Variants in TMEM163 observed in about 807,000 individuals in gnomAD.
The protein encoded by TMEM163 is transmembrane protein 163.
In TMEM163, 17 loss-of-function variants were observed where a neutral mutation model predicts 29.3. The observed-to-expected ratio is 0.58, with a 90% confidence interval of 0.40 to 0.87. The LOEUF (loss-of-function observed/expected upper bound fraction) is 0.87, where lower values mean the gene tolerates loss of function less well. Among genes scored for constraint, TMEM163 ranks in the 40% least tolerant of loss-of-function variants. The pLI is 0.00. For missense variants in TMEM163, 303 were observed against 381.5 expected (o/e 0.79, Z 1.71); for synonymous variants, 157 against 160.6 (o/e 0.98, Z 0.17).
chr2:134,539,023 C>T (rs182181073), intron 4 of TMEM163, among the ~76,000 whole-genome samples: 1 of 152,260 alleles, frequency 6.6e-6, no homozygotes, highest in African/African-American at 2.4e-5. Flanking sequence ...TAAAAACCAC[C>T]TATCTCTGTT....
chr2:134,648,229 C>A (rs1470037193), intron 2 of TMEM163, among the ~76,000 whole-genome samples: 7 of 152,276 alleles, frequency 4.6e-5, no homozygotes, highest in Admixed American at 4.6e-4. Flanking sequence ...GAAGCAATAC[C>A]ATCAAGCTAT....
intron 2 of TMEM163, among the ~76,000 whole-genome samples, chr2:134,610,661 C>T (rs1160372847): frequency 6.6e-6 from 1 of 152,162 alleles, no homozygotes; most frequent in African/African-American, 2.4e-5. Context: ...CCTGGTAGCA[C>T]GTTTGAGTCA....
At chr2:134,501,651 G>A (rs1386050520) in intron 5 of TMEM163, among the ~76,000 whole-genome samples, 3 of 152,208 alleles carry the variant, frequency 2.0e-5, no homozygotes, top group South Asian at 2.1e-4. Flanking sequence ...TGAATGAAAT[G>A]CAGGCTAGCA....
intron 6 of TMEM163, among the ~76,000 whole-genome samples, chr2:134,464,703 C>G (rs1686624292): frequency 6.6e-6 from 1 of 152,094 alleles, no homozygotes; most frequent in Admixed American, 6.5e-5. Flanking sequence ...GGCTCCCCAA[C>G]AAGGACAACC....
intron 2 of TMEM163, among the ~76,000 whole-genome samples, chr2:134,596,999 T>G (rs1682101216): frequency 6.6e-6 from 1 of 152,220 alleles, no homozygotes; most frequent in South Asian, 2.1e-4. Context: ...CTTATCAGCT[T>G]AAGGAGATTT....
intron 2 of TMEM163, among the ~76,000 whole-genome samples, chr2:134,691,328 A>C (rs1479322087): frequency 6.6e-6 from 1 of 152,168 alleles, no homozygotes; most frequent in African/African-American, 2.4e-5. Flanking sequence ...GGAGCAGTCA[A>C]GTCACTGAGT....
chr2:134,624,386 T>C (rs1220036558), intron 2 of TMEM163, among the ~76,000 whole-genome samples: 6 of 152,238 alleles, frequency 3.9e-5, no homozygotes, highest in Admixed American at 2.6e-4. Flanking sequence ...TACCGCATGT[T>C]CTTATAAGTG....
chr2:134,464,553 C>T (rs535059453), intron 6 of TMEM163, among the ~76,000 whole-genome samples: 7 of 152,146 alleles, frequency 4.6e-5, no homozygotes, highest in Non-Finnish European at 5.9e-5. Flanking sequence ...AGGAACCCCA[C>T]GCACATCCAT....
chr2:134,517,466 G>T (rs1181669333), intron 4 of TMEM163, among the ~76,000 whole-genome samples: 1 of 152,176 alleles, frequency 6.6e-6, no homozygotes, highest in East Asian at 1.9e-4. Context: ...CAAATTTGAG[G>T]CTTGCCGCGT....
intron 2 of TMEM163, among the ~76,000 whole-genome samples, chr2:134,669,172 A>G (rs576703787): frequency 5.9e-5 from 9 of 152,282 alleles, no homozygotes; most frequent in Admixed American, 6.5e-5. Flanking sequence ...CACTATAAGG[A>G]CCAAAGTCCC....
At chr2:134,648,304 C>CCTCTT (rs60230448) in intron 2 of TMEM163, among the ~76,000 whole-genome samples, 4,536 of 143,176 alleles carry the variant, frequency 0.032, 101 homozygotes, top group Middle Eastern at 0.14. Flanking sequence ...CACTGCTTCT[C>CCTCTT]CTCTTCTCTT....
chr2:134,571,568 G>A (rs1255619351), intron 2 of TMEM163, among the ~76,000 whole-genome samples: 1 of 152,164 alleles, frequency 6.6e-6, no homozygotes, highest in Admixed American at 6.5e-5. Flanking sequence ...TAGCTTTGGT[G>A]ACTCACAAGA....
chr2:134,705,586 G>A (rs1368391050), intron 2 of TMEM163, among the ~76,000 whole-genome samples: 3 of 152,110 alleles, frequency 2.0e-5, no homozygotes, highest in Admixed American at 1.3e-4. Context: ...TAGGAGCAGG[G>A]GTTCCCTTCC....
intron 3 of TMEM163, among the ~76,000 whole-genome samples, chr2:134,551,082 G>A (rs1318212207): frequency 6.6e-6 from 1 of 152,196 alleles, no homozygotes; most frequent in Admixed American, 6.5e-5. Flanking sequence ...GGGGGTGGGG[G>A]TCACCAGGAC....
intron 2 of TMEM163, among the ~76,000 whole-genome samples, chr2:134,696,973 G>A (rs531708507): frequency 6.6e-6 from 1 of 152,022 alleles, no homozygotes; most frequent in Admixed American, 6.5e-5. Context: ...AGGGGATTTC[G>A]CCATGTTGGC....
chr2:134,707,737 T>A (rs1422806837), intron 2 of TMEM163, among the ~76,000 whole-genome samples: 1 of 151,898 alleles, frequency 6.6e-6, no homozygotes, highest in Admixed American at 6.6e-5. Flanking sequence ...AATGGGCGCC[T>A]GCAGTTGGTG....
At chr2:134,498,584 G>C (rs1018192933) in intron 5 of TMEM163, among the ~76,000 whole-genome samples, 2 of 151,960 alleles carry the variant, frequency 1.3e-5, no homozygotes, top group African/African-American at 4.8e-5. Flanking sequence ...CGCCTGTCTC[G>C]GCCTCCCAAA....
At chr2:134,513,485 T>C (rs1287512403) in intron 4 of TMEM163, among the ~76,000 whole-genome samples, 1 of 152,182 alleles carries the variant, frequency 6.6e-6, no homozygotes, top group African/African-American at 2.4e-5. Context: ...GCTGGGAAGC[T>C]GAGTAGGAGG....
At chr2:134,480,570 T>C (rs764467916) in intron 5 of TMEM163, among the ~76,000 whole-genome samples, 8 of 152,196 alleles carry the variant, frequency 5.3e-5, no homozygotes, top group African/African-American at 1.9e-4. Context: ...AACATTCCCA[T>C]GACCACAGAA....
Sources: allele counts gnomAD v4.1 joint callset (sites outside exome capture counted in the v4.1 genomes callset), GRCh38; gene constraint gnomAD v4.1.1; transcripts MANE v1.5; gene names NCBI Gene and HGNC (gene_info 2026-07-23, HGNC 2026-07-21).